The following NUMB variants were observed in gnomAD, a reference collection of about 807,000 sequenced individuals.
NUMB encodes protein numb homolog.
A neutral mutation model predicts 59.7 loss-of-function variants in NUMB; 29 were observed. The observed-to-expected ratio is 0.49, with a 90% confidence interval of 0.36 to 0.66. The LOEUF is 0.66. Among genes scored for constraint, NUMB ranks in the 30% least tolerant of loss-of-function variants. The pLI, the probability that NUMB is intolerant of heterozygous loss-of-function variation, is 0.00. For synonymous variants in NUMB, 288 were observed against 288.2 expected (o/e 1.00, Z 0.01); for missense variants, 723 against 822.0 (o/e 0.88, Z 1.47).
At chr14:73,305,017 T>C (rs906386894) in intron 6 of NUMB, among the ~76,000 whole-genome samples, 4 of 152,178 alleles carry the variant, frequency 2.6e-5, no homozygotes, top group Admixed American at 6.6e-5. Flanking sequence ...TCCGCCCACC[T>C]CAGCCTCCCA....
intron 6 of NUMB, among the ~76,000 whole-genome samples, chr14:73,302,430 C>T (rs1246325687): frequency 7.1e-5 from 9 of 126,312 alleles, no homozygotes; most frequent in African/African-American, 2.2e-4. Flanking sequence ...TTTTTTGAGA[C>T]GAGTCTTACT....
At chr14:73,393,685 A>C (rs1459706335) in intron 2 of NUMB, among the ~76,000 whole-genome samples, 1 of 152,226 alleles carries the variant, frequency 6.6e-6, no homozygotes, top group Non-Finnish European at 1.5e-5. Context: ...AAATATGGCA[A>C]ACCTGCCTAA....
chr14:73,397,730 G>A (rs930306725), intron 2 of NUMB, among the ~76,000 whole-genome samples: 10 of 151,846 alleles, frequency 6.6e-5, no homozygotes, highest in Non-Finnish European at 1.5e-5. Context: ...TATTTGCATC[G>A]GCTATATCTT....
intron 1 of NUMB, among the ~76,000 whole-genome samples, chr14:73,418,396 T>C (rs1246595685): frequency 6.6e-6 from 1 of 152,196 alleles, no homozygotes; most frequent in Non-Finnish European, 1.5e-5. Context: ...AATAGAAAAG[T>C]TCTGGGATGT....
chr14:73,404,562 T>C (rs1338282976), intron 2 of NUMB, among the ~76,000 whole-genome samples: 1 of 152,058 alleles, frequency 6.6e-6, no homozygotes. Context: ...TGTGAAAAAA[T>C]ATTGAAATAT....
intron 2 of NUMB, among the ~76,000 whole-genome samples, chr14:73,385,624 C>A (rs1170500062): frequency 6.6e-6 from 1 of 150,888 alleles, no homozygotes; most frequent in Non-Finnish European, 1.5e-5. Flanking sequence ...ACCTCAGTCA[C>A]CCGAGTAGCT....
chr14:73,411,811 C>T (rs1161209894), intron 1 of NUMB, among the ~76,000 whole-genome samples: 1 of 151,734 alleles, frequency 6.6e-6, no homozygotes. Context: ...TTTGTGCCCA[C>T]ATCTGTCATA....
intron 1 of NUMB, among the ~76,000 whole-genome samples, chr14:73,443,323 C>G (rs567987913): frequency 1.3e-5 from 2 of 152,256 alleles, no homozygotes; most frequent in East Asian, 3.9e-4. Flanking sequence ...AGGATGGGTA[C>G]AGTGGCTCAC....
chr14:73,299,591 CATATATATG>C lies in NUMB; in HGVS notation c.235-2315_235-2307del, dbSNP rs1890001393. 2.0e-5 allele frequency among the ~76,000 whole-genome samples: 3 copies of C among 147,972 alleles called. 1 individual carries two copies. The highest frequency in any genetic ancestry group is 4.2e-4 in the South Asian group (2 of 4,710). On this transcript the variant is annotated intron_variant, in intron 6 of 12. Transcript: ENST00000555238. ...ATATATGACATGACATATGTCATGT[CATATATATG>C]ATATGACATATATATGTCATATAAT...
intron 1 of NUMB, among the ~76,000 whole-genome samples, chr14:73,457,201 ATTT>A (rs1448604147): frequency 1.3e-5 from 2 of 152,066 alleles, no homozygotes. Flanking sequence ...TCTGATAAGT[ATTT>A]ACTTCTACTC....
At chr14:73,432,486 A>G (rs1300584373) in intron 1 of NUMB, among the ~76,000 whole-genome samples, 1 of 152,136 alleles carries the variant, frequency 6.6e-6, no homozygotes, top group African/African-American at 2.4e-5. Flanking sequence ...ATTATTCACT[A>G]TAATTTTTAG....
intron 2 of NUMB, among the ~76,000 whole-genome samples, chr14:73,368,436 A>G (rs28624715): frequency 0.25 from 37,234 of 151,776 alleles, 4,882 homozygotes; most frequent in Non-Finnish European, 0.26. Context: ...AAAATTAGCC[A>G]GGCATGGTGA....
At chr14:73,345,499 A>C (rs1892869125) in intron 4 of NUMB, among the ~76,000 whole-genome samples, 1 of 152,236 alleles carries the variant, frequency 6.6e-6, no homozygotes, top group Non-Finnish European at 1.5e-5. Context: ...AAAAGATTTA[A>C]AAAAATCAAT....
At position 73,447,385 on chromosome 14, in the gene NUMB, G is replaced by A. The variant is rs572628842; in HGVS notation, c.-233+11108C>T. Among the ~76,000 whole-genome samples, 131 of 152,184 alleles carry A rather than the reference G, an allele frequency of 8.6e-4. 1 individual carries two copies. The highest frequency in any genetic ancestry group is 2.9e-3 in the African/African-American group (119 of 41,518). On this transcript the variant is annotated intron_variant, in intron 1 of 12. Transcript: ENST00000555238. ...TGCCTGTAATCCCAGCTACTCAGGCGGCTGAGGCAGAAGAGTCACTTGAAC... is the reference window on the plus strand; with the variant it reads ...TGCCTGTAATCCCAGCTACTCAGGCAGCTGAGGCAGAAGAGTCACTTGAAC...
chr14:73,384,353 G>A (rs1177302368), intron 2 of NUMB, among the ~76,000 whole-genome samples: 2 of 151,666 alleles, frequency 1.3e-5, no homozygotes, highest in African/African-American at 4.8e-5. Context: ...CCTCCCAAAA[G>A]GTTGGGATTA....
intron 6 of NUMB, among the ~76,000 whole-genome samples, chr14:73,310,945 G>C (rs1890747627): frequency 6.6e-6 from 1 of 152,134 alleles, no homozygotes; most frequent in Non-Finnish European, 1.5e-5. Context: ...TAATTATTTG[G>C]TAATAAAGTA....
rs1234026545 is a variant in NUMB at position 73,289,346 on chromosome 14, G to A, written c.451-2032C>T. On this transcript the variant is annotated intron_variant, in intron 8 of 12. Coordinates refer to ENST00000555238, the MANE Select transcript of NUMB (RefSeq NM_001005743.2). Reference sequence around the variant, plus strand: ...ATATAGATACACTGGATTACCCAGAGTCAATTTAATAAATTCAATGGATGA... The same window carrying A: ...ATATAGATACACTGGATTACCCAGAATCAATTTAATAAATTCAATGGATGA... Among the ~76,000 whole-genome samples, 8 of 152,352 alleles carry A rather than the reference G, an allele frequency of 5.3e-5. No homozygotes were observed. In the South Asian group the frequency reaches 1.4e-3, roughly 28 times the overall value.
At chr14:73,353,049 T>A (rs557518863) in intron 4 of NUMB, among the ~76,000 whole-genome samples, 4 of 146,204 alleles carry the variant, frequency 2.7e-5, no homozygotes, top group African/African-American at 9.9e-5. Context: ...GAATTCAACT[T>A]AATGGATGCC....
chr14:73,302,632 G>A (rs999145857), intron 6 of NUMB, among the ~76,000 whole-genome samples: 3 of 151,762 alleles, frequency 2.0e-5, no homozygotes, highest in African/African-American at 4.8e-5. Flanking sequence ...GGCTGGTCTC[G>A]AACTCCTGAC....
Sources: gnomAD v4.1 joint callset for allele counts (sites outside exome capture counted in the v4.1 genomes callset) on GRCh38, gnomAD v4.1.1 for gene constraint, MANE v1.5 for transcripts, NCBI Gene and HGNC (gene_info 2026-07-23, HGNC 2026-07-21) for gene names.